Variants in ATRNL1 observed in about 807,000 individuals in gnomAD.
ATRNL1 encodes the protein attractin-like protein 1.
ATRNL1 carries 95 observed loss-of-function variants against 182.7 expected under a neutral mutation model. That is an observed-to-expected ratio of 0.52 (90% CI 0.44 to 0.62). ATRNL1 has a LOEUF of 0.62. ATRNL1 is among the 20% of genes least tolerant of loss of function. ATRNL1 has a pLI of 0.00. For synonymous variants in ATRNL1, 576 were observed against 568.3 expected (o/e 1.01, Z -0.19); for missense variants, 1,471 against 1,679.5 (o/e 0.88, Z 2.17).
intron 19 of ATRNL1, among the ~76,000 whole-genome samples, chr10:115,379,025 C>T (rs1857834074): frequency 6.6e-6 from 1 of 151,806 alleles, no homozygotes; most frequent in African/African-American, 2.4e-5. Context: ...TTTTATGTTT[C>T]TAAAGTGTTT....
chr10:115,352,480 T>A (rs1856305525), intron 19 of ATRNL1, among the ~76,000 whole-genome samples: 1 of 152,306 alleles, frequency 6.6e-6, no homozygotes, highest in Non-Finnish European at 1.5e-5. Context: ...ATTCTATTTT[T>A]ATTTGTTTCA....
intron 28 of ATRNL1, among the ~76,000 whole-genome samples, chr10:115,888,581 C>T (rs560826825): frequency 1.6e-4 from 24 of 152,302 alleles, no homozygotes; most frequent in South Asian, 4.1e-4. Context: ...ATCTTCCTGG[C>T]GGAAGTCCTC....
At chr10:115,654,770 A>G (rs1273596199) in intron 26 of ATRNL1, among the ~76,000 whole-genome samples, 1 of 152,146 alleles carries the variant, frequency 6.6e-6, no homozygotes, top group African/African-American at 2.4e-5. Context: ...ATGACCACAA[A>G]TTCTTTGACA....
chr10:115,442,254 A>G (rs77104075), intron 21 of ATRNL1, among the ~76,000 whole-genome samples: 3,557 of 85,746 alleles, frequency 0.041, 73 homozygotes, highest in Non-Finnish European at 0.058. Flanking sequence ...GCGCAGCTTC[A>G]TTTTCATTTG....
intron 1 of ATRNL1, among the ~76,000 whole-genome samples, chr10:115,111,900 A>C (rs2143537098): frequency 6.6e-6 from 1 of 152,310 alleles, no homozygotes; most frequent in East Asian, 1.9e-4. Flanking sequence ...TTATGGGCCA[A>C]GTTAGGCAAC....
intron 18 of ATRNL1, among the ~76,000 whole-genome samples, chr10:115,317,664 A>T (rs947657753): frequency 6.6e-6 from 1 of 152,108 alleles, no homozygotes; most frequent in Non-Finnish European, 1.5e-5. Flanking sequence ...ACAATTGTGA[A>T]TGGGAGTTCA....
chr10:115,386,808 TC>T (rs1421407819), intron 19 of ATRNL1, among the ~76,000 whole-genome samples: 1 of 81,916 alleles, frequency 1.2e-5, no homozygotes, highest in Admixed American at 1.5e-4. Context: ...ATGCTATCCC[TC>T]CCCCCTCCCC....
At chr10:115,267,119 A>G (rs1851640834) in intron 12 of ATRNL1, 114 bp downstream of exon 12, 2 of 650,294 alleles carry the variant, frequency 3.1e-6, no homozygotes, top group East Asian at 2.7e-5. Flanking sequence ...AAAAATTTGT[A>G]TTACCCTAAT....
intron 26 of ATRNL1, among the ~76,000 whole-genome samples, chr10:115,561,636 G>T (rs1853715592): frequency 6.7e-6 from 1 of 150,074 alleles, no homozygotes; most frequent in Non-Finnish European, 1.5e-5. Context: ...GGGGATCCTG[G>T]AACCAATCTC....
intron 27 of ATRNL1, among the ~76,000 whole-genome samples, chr10:115,835,042 T>C (rs760098191): frequency 2.0e-5 from 3 of 152,180 alleles, no homozygotes; most frequent in African/African-American, 7.2e-5. Flanking sequence ...AAATAGTACA[T>C]GCTCAATTAA....
In ATRNL1 at chr10:115,093,849, C is replaced by T. The variant is rs782370473; in HGVS notation, c.99C>T (p.Ser33=). 2 of 1,549,520 alleles carry T rather than the reference C, an allele frequency of 1.3e-6. No homozygotes were observed. Among genetic ancestry groups the T allele is most frequent in the Non-Finnish European group, 1.7e-6 (2 of 1,151,958 alleles). ...RPAGGGGGGA[S]SWLLDGNSWL... ...CGGGCGGCGGCGGCGGGGGCGCCTC[C>T]TCCTGGCTGCTGGACGGGAACAGCT... The change falls in exon 1 of 29, where the codon TCC becomes TCT. Residue 33 remains serine (S), a synonymous_variant. Transcript: ENST00000355044. The surrounding 1 kb of genome is among the most constrained non-coding windows in gnomAD (Gnocchi z 6.1).
intron 24 of ATRNL1, among the ~76,000 whole-genome samples, chr10:115,472,749 G>A (rs782097621): frequency 4.0e-5 from 6 of 150,960 alleles, no homozygotes; most frequent in Non-Finnish European, 7.4e-5. Context: ...TTGGTGGACT[G>A]TCTAGGGTTT....
intron 28 of ATRNL1, among the ~76,000 whole-genome samples, chr10:115,888,786 T>G (rs1360520358): frequency 1.3e-5 from 2 of 152,178 alleles, no homozygotes; most frequent in Non-Finnish European, 2.9e-5. Flanking sequence ...TAGGCCCCCT[T>G]CATCTTATCA....
chr10:115,628,113 C>A (rs1290255268), intron 26 of ATRNL1, among the ~76,000 whole-genome samples: 1 of 149,272 alleles, frequency 6.7e-6, no homozygotes, highest in African/African-American at 2.5e-5. Flanking sequence ...CACCACTGCA[C>A]TCCAGCCTGG....
At chr10:115,145,743 A>G (rs781921320) in intron 5 of ATRNL1, among the ~76,000 whole-genome samples, 1 of 152,180 alleles carries the variant, frequency 6.6e-6, no homozygotes, top group African/African-American at 2.4e-5. Flanking sequence ...AATGATTACA[A>G]CAAGCTACAT....
At chr10:115,768,024 T>G (rs1301934477) in intron 27 of ATRNL1, among the ~76,000 whole-genome samples, 2 of 152,214 alleles carry the variant, frequency 1.3e-5, no homozygotes, top group Non-Finnish European at 2.9e-5. Context: ...GTAGTAAGAA[T>G]GTTAAAGACA....
At chr10:115,843,300 T>TA (rs1255494005) in intron 27 of ATRNL1, among the ~76,000 whole-genome samples, 1 of 151,916 alleles carries the variant, frequency 6.6e-6, no homozygotes, top group Non-Finnish European at 1.5e-5. Context: ...GAAGTGAGCA[T>TA]AGGGGATATA....
intron 26 of ATRNL1, among the ~76,000 whole-genome samples, chr10:115,600,791 G>A (rs1389706211): frequency 1.3e-5 from 2 of 151,880 alleles, no homozygotes; most frequent in Non-Finnish European, 2.9e-5. Context: ...TTAAGGAAAC[G>A]TCCATTTGAT....
chr10:115,551,954 A>T (rs1853016335), intron 26 of ATRNL1, among the ~76,000 whole-genome samples: 1 of 151,426 alleles, frequency 6.6e-6, no homozygotes, highest in Admixed American at 6.6e-5. Flanking sequence ...AGGACAGCAT[A>T]TTATTATAAT....
Sources: allele counts gnomAD v4.1 joint callset (sites outside exome capture counted in the v4.1 genomes callset), GRCh38; gene constraint gnomAD v4.1.1; non-coding constraint Gnocchi (gnomAD v3.1); transcripts MANE v1.5; gene names NCBI Gene and HGNC (gene_info 2026-07-23, HGNC 2026-07-21).